CHMP4C: variants seen among roughly 807,000 people sequenced by gnomAD.
The protein encoded by CHMP4C is SNF7 homolog associated with Alix 3.
A neutral mutation model predicts 29.0 loss-of-function variants in CHMP4C; 28 were observed. The ratio of observed to expected loss-of-function variants is 0.97; its 90% CI spans 0.72 to 1.32. CHMP4C has a LOEUF of 1.32. CHMP4C is among the 40% of genes most tolerant of loss of function. The probability of loss-of-function intolerance (pLI) is 0.00; values close to 1 mark genes in which losing one functional copy is unlikely to be tolerated. For synonymous variants in CHMP4C, 106 were observed against 102.4 expected (o/e 1.04, Z -0.21); for missense variants, 291 against 281.0 (o/e 1.04, Z -0.25).
At chr8:81,757,334 A>G (rs1235067060) in intron 3 of CHMP4C, among the ~76,000 whole-genome samples, 1 of 152,190 alleles carries the variant, frequency 6.6e-6, no homozygotes, top group Non-Finnish European at 1.5e-5. Flanking sequence ...AAGGTGTCCC[A>G]AGTCATTTCT....
chr8:81,749,402 G>A (rs1808869059), intron 1 of CHMP4C, among the ~76,000 whole-genome samples: 1 of 152,178 alleles, frequency 6.6e-6, no homozygotes. Context: ...GTTAGTTTTT[G>A]TTATGTATTT....
At position 81,758,908 on chromosome 8, in the gene CHMP4C, G is replaced by A; in HGVS notation, c.*364G>A. 5.7e-6 allele frequency: 1 copy of A among 176,634 alleles called. No individual in the cohort carries two copies. The highest frequency in any genetic ancestry group is 1.2e-5 in the Non-Finnish European group (1 of 83,966). 10.9% of individuals were successfully genotyped at this position (176,634 alleles called of 1,614,324 possible). A position where few individuals can be genotyped will look rare whatever the true frequency, so the allele number is the denominator to read the frequency against. ...CCCAGCTACTTGGGAGGCTGAGTCA[G>A]GAGAATCGCTTGAGCCCAGGAGATG... On this transcript the variant is annotated 3_prime_UTR_variant, in exon 5 of 5. Transcript: ENST00000297265.
chr8:81,751,626 G>A (rs546456287), intron 1 of CHMP4C, among the ~76,000 whole-genome samples: 10 of 151,876 alleles, frequency 6.6e-5, no homozygotes, highest in African/African-American at 9.6e-5. Context: ...CAATTTAATC[G>A]ATCTACATAA....
At chr8:81,739,208 T>G (rs1808730255) in intron 1 of CHMP4C, among the ~76,000 whole-genome samples, 1 of 151,082 alleles carries the variant, frequency 6.6e-6, no homozygotes, top group Non-Finnish European at 1.5e-5. Context: ...GTGATTCTCC[T>G]GCCTCAGCCT....
chr8:81,739,090 C>G (rs1585941193), intron 1 of CHMP4C, among the ~76,000 whole-genome samples: 1 of 133,390 alleles, frequency 7.5e-6, no homozygotes, highest in Admixed American at 8.7e-5. Flanking sequence ...CTCTTTTTTT[C>G]TTTTCCCTTT....
intron 1 of CHMP4C, among the ~76,000 whole-genome samples, chr8:81,745,576 T>G (rs1254974044): frequency 2.0e-5 from 3 of 152,222 alleles, no homozygotes; most frequent in African/African-American, 7.2e-5. Context: ...CCTTCGTCCC[T>G]TGGCAGCATA....
chr8:81,739,428 T>TGGAAAAAAAAAAAGGGG (rs1808735870), intron 1 of CHMP4C, among the ~76,000 whole-genome samples: 1 of 66,614 alleles, frequency 1.5e-5, no homozygotes, highest in Non-Finnish European at 2.9e-5. Flanking sequence ...TGGGGGGGGG[T>TGGAAAAAAAAAAAGGGG]GGAAAAAAAA....
chr8:81,746,973 A>G (rs1239299640), intron 1 of CHMP4C, among the ~76,000 whole-genome samples: 1 of 152,196 alleles, frequency 6.6e-6, no homozygotes, highest in African/African-American at 2.4e-5. Flanking sequence ...ACTTCTCAAC[A>G]ACTAAATGAG....
intron 1 of CHMP4C, among the ~76,000 whole-genome samples, chr8:81,740,279 G>GT (rs984278748): frequency 8.5e-5 from 13 of 152,216 alleles, no homozygotes; most frequent in African/African-American, 3.1e-4. Flanking sequence ...TTCCATGGCT[G>GT]TTTGGGGGGT....
At chr8:81,752,239 A>C (rs1808912332) in intron 1 of CHMP4C, among the ~76,000 whole-genome samples, 1 of 152,146 alleles carries the variant, frequency 6.6e-6, no homozygotes, top group African/African-American at 2.4e-5. Flanking sequence ...TTTCGTATTA[A>C]CATTCTGCTG....
intron 1 of CHMP4C, among the ~76,000 whole-genome samples, chr8:81,740,374 C>T (rs1384048923): frequency 6.6e-6 from 1 of 152,182 alleles, no homozygotes; most frequent in African/African-American, 2.4e-5. Context: ...CCTAGATCCT[C>T]GCATGCTCAG....
intron 1 of CHMP4C, among the ~76,000 whole-genome samples, chr8:81,750,476 T>C (rs984962509): frequency 4.0e-5 from 6 of 150,888 alleles, no homozygotes; most frequent in African/African-American, 1.2e-4. Context: ...TACAGTGACA[T>C]GTGCCTGTAG....
chr8:81,739,681 G>A lies in CHMP4C; in HGVS notation c.190+6865G>A, dbSNP rs140281306. 4.2e-3 allele frequency among the ~76,000 whole-genome samples: 638 copies of A among 152,326 alleles called. 6 individuals carry two copies. The highest frequency in any genetic ancestry group is 0.015 in the African/African-American group (604 of 41,574). On this transcript the variant is annotated intron_variant, in intron 1 of 4. Coordinates refer to ENST00000297265, the MANE Select transcript of CHMP4C (RefSeq NM_152284.4). ...CTTAAGTTGTTGTTTTAAACTTTGA[G>A]CTTCCCCACTATCTCCCTCTCTTTT...
chr8:81,743,075 T>C (rs1808783234), intron 1 of CHMP4C, among the ~76,000 whole-genome samples: 1 of 152,026 alleles, frequency 6.6e-6, no homozygotes, highest in South Asian at 2.1e-4. Flanking sequence ...GGAATAGTCA[T>C]AGAACCACAG....
chr8:81,758,915 C>T lies in CHMP4C; in HGVS notation c.*371C>T, dbSNP rs3202419. On this transcript the variant is annotated 3_prime_UTR_variant, in exon 5 of 5. Coordinates refer to ENST00000297265, the MANE Select transcript of CHMP4C (RefSeq NM_152284.4). ...ACTTGGGAGGCTGAGTCAGGAGAAT[C>T]GCTTGAGCCCAGGAGATGGAGGTTG... The T allele has an allele frequency of 0.31, 52,794 of 167,960 alleles. 8,754 individuals carry two copies. The highest frequency in any genetic ancestry group is 0.61 in the East Asian group (3,585 of 5,892). 10.4% of individuals were successfully genotyped at this position (167,960 alleles called of 1,614,324 possible).
rs1478961972 is a variant in CHMP4C at position 81,758,213 on chromosome 8, T to G, written c.555T>G (p.Leu185=). Reference sequence around the variant, plus strand: ...ATAAGAAGATGACAAATATCCGCCTTCCAAATGTGCCTTCCTCTTCTCTCC... The same window carrying G: ...ATAAGAAGATGACAAATATCCGCCTGCCAAATGTGCCTTCCTCTTCTCTCC... ...ELNKKMTNIR[L]PNVPSSSLPA... The change falls in exon 4 of 5, where the codon CTT becomes CTG. Residue 185 remains leucine (L), a synonymous_variant. Transcript: ENST00000297265. 1 of 1,613,760 alleles carries G rather than the reference T, an allele frequency of 6.2e-7. No homozygotes were observed. Among genetic ancestry groups the G allele is most frequent in the Non-Finnish European group, 8.5e-7 (1 of 1,179,896 alleles).
chr8:81,737,786 A>C (rs1808712773), intron 1 of CHMP4C, among the ~76,000 whole-genome samples: 1 of 152,252 alleles, frequency 6.6e-6, no homozygotes, highest in Non-Finnish European at 1.5e-5. Flanking sequence ...TGGGTAAAGC[A>C]TTCAGTGCAG....
intron 1 of CHMP4C, among the ~76,000 whole-genome samples, chr8:81,745,149 G>A (rs966321497): frequency 2.6e-5 from 4 of 152,108 alleles, no homozygotes; most frequent in South Asian, 2.1e-4. Flanking sequence ...AGTAAGAACA[G>A]GGCTTACACT....
At chr8:81,742,913 T>G (rs1012174688) in intron 1 of CHMP4C, among the ~76,000 whole-genome samples, 2 of 152,162 alleles carry the variant, frequency 1.3e-5, no homozygotes, top group Admixed American at 6.6e-5. Flanking sequence ...ACTATATTGA[T>G]TTGTTGGTGT....
Sources: allele counts gnomAD v4.1 joint callset (sites outside exome capture counted in the v4.1 genomes callset), GRCh38; gene constraint gnomAD v4.1.1; transcripts MANE v1.5; gene names NCBI Gene and HGNC (gene_info 2026-07-23, HGNC 2026-07-21).